The following EML1 variants were observed in gnomAD, a reference collection of about 807,000 sequenced individuals.
EML1 encodes the protein echinoderm microtubule-associated protein-like 1.
Under a neutral mutation model 110.4 loss-of-function variants are expected in EML1, and 27 were observed. The observed-to-expected ratio is 0.24, with a 90% confidence interval of 0.18 to 0.34. EML1 has a LOEUF of 0.34. EML1 is among the 10% of genes least tolerant of loss of function. The pLI is 1.00. For missense variants in EML1, 741 were observed against 1,030.9 expected (o/e 0.72, Z 3.85); for synonymous variants, 344 against 385.8 (o/e 0.89, Z 1.27).
At chr14:99,831,893 C>T (rs1410253171) in intron 1 of EML1, among the ~76,000 whole-genome samples, 1 of 145,588 alleles carries the variant, frequency 6.9e-6, no homozygotes, top group Admixed American at 6.8e-5. Context: ...AAAAAGCTTT[C>T]TTGAGGTATC....
intron 13 of EML1, among the ~76,000 whole-genome samples, chr14:99,911,892 T>TTTTC (rs1555403825): frequency 1.3e-5 from 2 of 149,398 alleles, no homozygotes; most frequent in Admixed American, 6.7e-5. Context: ...CTTTTTCTTT[T>TTTTC]TTTCTTTCTT....
intron 1 of EML1, among the ~76,000 whole-genome samples, chr14:99,806,316 C>CTTTTTTTTTTTT (rs1198890041): frequency 1.1e-5 from 1 of 87,752 alleles, no homozygotes; most frequent in Non-Finnish European, 2.1e-5. Context: ...TCTCCAGAAT[C>CTTTTTTTTTTTT]TTTTTTTTTT....
At chr14:99,852,820 G>C (rs2058834849) in intron 2 of EML1, among the ~76,000 whole-genome samples, 1 of 152,156 alleles carries the variant, frequency 6.6e-6, no homozygotes, top group Non-Finnish European at 1.5e-5. Flanking sequence ...AGCTTCGTGT[G>C]AGATGGCTGG....
At chr14:99,861,353 G>A (rs772349099) in intron 2 of EML1, among the ~76,000 whole-genome samples, 4 of 152,312 alleles carry the variant, frequency 2.6e-5, no homozygotes, top group Non-Finnish European at 5.9e-5. Context: ...AGGAAGATTG[G>A]CCCTCAGCTT....
chr14:99,769,355 C>T (rs1295228492), upstream of EML1, among the ~76,000 whole-genome samples: 1 of 152,214 alleles, frequency 6.6e-6, no homozygotes, highest in African/African-American at 2.4e-5. Flanking sequence ...AGGGCCCTCA[C>T]CGTGGGCACC....
At chr14:99,779,825 A>G (rs2140213513) in intron 1 of EML1, among the ~76,000 whole-genome samples, 1 of 151,938 alleles carries the variant, frequency 6.6e-6, no homozygotes, top group East Asian at 1.9e-4. Context: ...TGTGTAGAGA[A>G]CCCCTTGGTT....
At position 99,941,122 on chromosome 14, in the gene EML1, T is replaced by C. The variant is rs1223217660; in HGVS notation, c.*1010T>C. 6.6e-6 allele frequency: 1 copy of C among 152,202 alleles called. No homozygotes were observed. The highest frequency in any genetic ancestry group is 1.5e-5 in the Non-Finnish European group (1 of 68,046). The allele number at this position is 152,202 out of a possible 1,614,324, so 9.4% of individuals were successfully genotyped here. Reference sequence around the variant, plus strand: ...AGCTGCTTTTCCTGTCTTTTGTGCATGGGCGACCCATTACAGTATGAGATA... The same window carrying C: ...AGCTGCTTTTCCTGTCTTTTGTGCACGGGCGACCCATTACAGTATGAGATA... On this transcript the variant is annotated 3_prime_UTR_variant, in exon 22 of 22. Coordinates refer to ENST00000262233, the MANE Select transcript of EML1 (RefSeq NM_004434.3).
chr14:99,932,914 G>A (rs1393612933), intron 17 of EML1, among the ~76,000 whole-genome samples: 2 of 151,986 alleles, frequency 1.3e-5, no homozygotes, highest in Admixed American at 6.6e-5. Context: ...ACAGGAGTTC[G>A]AGACCAGCTT....
chr14:99,807,720 G>A (rs906456254), intron 1 of EML1, among the ~76,000 whole-genome samples: 3 of 152,202 alleles, frequency 2.0e-5, no homozygotes, highest in Non-Finnish European at 2.9e-5. Flanking sequence ...TGCAGCCCAC[G>A]CAGGGGAGAG....
At chr14:99,922,687 A>T (rs2060151524) in intron 17 of EML1, among the ~76,000 whole-genome samples, 2 of 152,108 alleles carry the variant, frequency 1.3e-5, no homozygotes, top group African/African-American at 4.8e-5. Context: ...CATTCTAAAG[A>T]GGGTGTAATG....
At chr14:99,801,205 T>C (rs150482875) in intron 1 of EML1, among the ~76,000 whole-genome samples, 1 of 152,362 alleles carries the variant, frequency 6.6e-6, no homozygotes, top group Non-Finnish European at 1.5e-5. Flanking sequence ...TAGGCGAATA[T>C]TCATGGAGAG....
chr14:99,916,746 A>G (rs1189774369), intron 15 of EML1, among the ~76,000 whole-genome samples: 1 of 151,958 alleles, frequency 6.6e-6, no homozygotes, highest in East Asian at 1.9e-4. Flanking sequence ...CTTTTACTAT[A>G]TTACTGCCCC....
Position 99,939,013 on chromosome 14 carries a change from T to C in EML1, c.2192-184T>C, listed in dbSNP as rs1484612117. 6.6e-6 allele frequency among the ~76,000 whole-genome samples: 1 copy of C among 152,102 alleles called. No homozygotes were observed. Among genetic ancestry groups the C allele is most frequent in the Non-Finnish European group, 1.5e-5 (1 of 68,016 alleles). ...AGAGGGTCTCCGAGACTGGCCTGAG[T>C]GAGAGGAGACTGGGCGCACAGCGAG... On this transcript the variant is annotated intron_variant, in intron 20 of 21. Coordinates refer to ENST00000262233, the MANE Select transcript of EML1 (RefSeq NM_004434.3). The surrounding 1 kb of genome is among the most constrained non-coding windows in gnomAD (Gnocchi z 4.2).
Position 99,794,019 on chromosome 14 carries a change from A to G in EML1, c.67+476A>G, listed in dbSNP as rs574563287. 3.9e-5 allele frequency among the ~76,000 whole-genome samples: 6 copies of G among 152,344 alleles called. No homozygotes were observed. The East Asian group carries it at 1.2e-3, about 29-fold the overall frequency. On this transcript the variant is annotated intron_variant, in intron 1 of 21. Transcript: ENST00000262233. ...CGCAGTGTTTGGACCCCCAGAACCCATTCAGGTCTACTTTAATGAAATCAT... is the reference window on the plus strand; with the variant it reads ...CGCAGTGTTTGGACCCCCAGAACCCGTTCAGGTCTACTTTAATGAAATCAT...
chr14:99,757,494 G>A (rs1039599144), intron 1 of EML1, among the ~76,000 whole-genome samples: 4 of 152,134 alleles, frequency 2.6e-5, no homozygotes, highest in African/African-American at 7.2e-5. Flanking sequence ...CATGCCACAC[G>A]GCACAGACAC....
intron 10 of EML1, 45 bp from the exon 11 acceptor site, chr14:99,909,300 C>G: frequency 6.2e-7 from 1 of 1,613,276 alleles, no homozygotes; most frequent in South Asian, 1.1e-5. Context: ...GTCTCTTACG[C>G]GTCTTAAGAG....
At chr14:99,755,919 C>T (rs907218752) in intron 1 of EML1, among the ~76,000 whole-genome samples, 1 of 152,188 alleles carries the variant, frequency 6.6e-6, no homozygotes, top group African/African-American at 2.4e-5. Context: ...GGCTACTTCA[C>T]AGGCGAGGAA....
chr14:99,824,165 G>A (rs2058312086), intron 1 of EML1, among the ~76,000 whole-genome samples: 1 of 152,072 alleles, frequency 6.6e-6, no homozygotes, highest in African/African-American at 2.4e-5. Context: ...TCACTATGTT[G>A]GTCTGGCTGG....
intron 1 of EML1, among the ~76,000 whole-genome samples, chr14:99,848,667 A>G (rs1239279299): frequency 1.3e-5 from 2 of 152,172 alleles, no homozygotes; most frequent in African/African-American, 4.8e-5. Context: ...TCTGTCTTTA[A>G]AAGTTTGAAG....
Sources: allele counts gnomAD v4.1 joint callset (sites outside exome capture counted in the v4.1 genomes callset), GRCh38; gene constraint gnomAD v4.1.1; non-coding constraint Gnocchi (gnomAD v3.1); transcripts MANE v1.5; gene names NCBI Gene and HGNC (gene_info 2026-07-23, HGNC 2026-07-21).